Variants in ME3 observed in about 807,000 individuals in gnomAD.
The protein encoded by ME3 is NADP-dependent malic enzyme, mitochondrial.
In ME3, 48 loss-of-function variants were observed where a neutral mutation model predicts 68.9. The observed-to-expected ratio is 0.70, with a 90% CI of 0.55 to 0.89. The LOEUF (loss-of-function observed/expected upper bound fraction) is 0.89, where lower values mean the gene tolerates loss of function less well. Among genes scored for constraint, ME3 ranks in the 40% least tolerant of loss-of-function variants. The probability of loss-of-function intolerance (pLI) is 0.00; values close to 1 mark genes in which losing one functional copy is unlikely to be tolerated. For synonymous variants in ME3, 320 were observed against 318.8 expected, an observed-to-expected ratio of 1.00 and a Z score of -0.04; for missense variants, 675 against 797.4, an observed-to-expected ratio of 0.85 and a Z score of 1.85.
intron 7 of ME3, among the ~76,000 whole-genome samples, chr11:86,465,426 T>C (rs926605443): frequency 2.0e-5 from 3 of 152,088 alleles, no homozygotes; most frequent in African/African-American, 7.2e-5. Flanking sequence ...GGACCCTGGC[T>C]TTGGTGGTCA....
intron 2 of ME3, among the ~76,000 whole-genome samples, chr11:86,589,677 AT>A (rs368866503): frequency 6.4e-4 from 98 of 152,166 alleles, no homozygotes; most frequent in Middle Eastern, 3.4e-3. Context: ...ATTGGGCTAG[AT>A]TTTTTTCCCC....
intron 2 of ME3, among the ~76,000 whole-genome samples, chr11:86,654,652 CA>C (rs1323983325): frequency 6.6e-6 from 1 of 152,178 alleles, no homozygotes; most frequent in Non-Finnish European, 1.5e-5. Context: ...ACTGAATGGG[CA>C]AAAACTGGAA....
chr11:86,645,885 T>C (rs1234608033), intron 2 of ME3, among the ~76,000 whole-genome samples: 1 of 152,230 alleles, frequency 6.6e-6, no homozygotes, highest in Non-Finnish European at 1.5e-5. Flanking sequence ...TTCTGCAGCA[T>C]CTGCTGGTGA....
intron 7 of ME3, among the ~76,000 whole-genome samples, chr11:86,475,870 T>TAGAGAGAGAG (rs1425139692): frequency 6.6e-5 from 7 of 106,530 alleles, no homozygotes; most frequent in African/African-American, 2.4e-4. Context: ...TATATATATA[T>TAGAGAGAGAG]ATATAGAGAG....
At chr11:86,641,537 T>C (rs982931454) in intron 2 of ME3, among the ~76,000 whole-genome samples, 1 of 152,220 alleles carries the variant, frequency 6.6e-6, no homozygotes, top group Admixed American at 6.5e-5. Context: ...GACCCCATTA[T>C]AAAAATTTGT....
intron 3 of ME3, 134 bp downstream of exon 3, chr11:86,559,556 G>A: frequency 9.2e-7 from 1 of 1,081,662 alleles, no homozygotes; most frequent in Non-Finnish European, 1.3e-6. Flanking sequence ...TTAGAAGGTA[G>A]GGCTGAGTCT....
intron 4 of ME3, among the ~76,000 whole-genome samples, chr11:86,515,133 A>G (rs1953803734): frequency 6.6e-6 from 1 of 152,214 alleles, no homozygotes; most frequent in African/African-American, 2.4e-5. Context: ...AACAAAATAT[A>G]AGGATCTTTG....
chr11:86,536,361 G>A (rs1228920558), intron 4 of ME3, among the ~76,000 whole-genome samples: 3 of 138,840 alleles, frequency 2.2e-5, no homozygotes, highest in African/African-American at 5.4e-5. Context: ...CTACAGAATG[G>A]GAGAAAATTT....
intron 4 of ME3, among the ~76,000 whole-genome samples, chr11:86,509,306 A>G (rs1262619358): frequency 6.6e-6 from 1 of 152,070 alleles, no homozygotes; most frequent in Admixed American, 6.6e-5. Context: ...GGGGGTTGGG[A>G]TGTTCAGACA....
At chr11:86,459,128 G>C (rs180707664) in intron 8 of ME3, among the ~76,000 whole-genome samples, 1 of 152,296 alleles carries the variant, frequency 6.6e-6, no homozygotes, top group East Asian at 1.9e-4. Flanking sequence ...TGGACAAACA[G>C]AAAGTAGTGA....
At chr11:86,446,207 C>T (rs1593985083) in intron 13 of ME3, 107 bp downstream of exon 13, 3 of 1,320,478 alleles carry the variant, frequency 2.3e-6, no homozygotes, top group African/African-American at 1.5e-5. Context: ...AATCCACTGG[C>T]AATGTTGGGG....
chr11:86,524,495 A>G (rs1954580067), intron 4 of ME3, among the ~76,000 whole-genome samples: 1 of 152,228 alleles, frequency 6.6e-6, no homozygotes, highest in Non-Finnish European at 1.5e-5. Context: ...ACACCAAGAT[A>G]ATAGTCCCCT....
intron 4 of ME3, among the ~76,000 whole-genome samples, chr11:86,512,260 C>T (rs181346745): frequency 6.6e-6 from 1 of 152,336 alleles, no homozygotes; most frequent in Admixed American, 6.5e-5. Flanking sequence ...CTCTTGATAA[C>T]TTCCAATTCA....
chr11:86,512,823 C>G (rs1249921748), intron 4 of ME3, among the ~76,000 whole-genome samples: 1 of 152,222 alleles, frequency 6.6e-6, no homozygotes. Flanking sequence ...TGAAGGGTAC[C>G]AGAATATGCC....
intron 2 of ME3, chr11:86,622,774 CCTTTT>C (rs1186398990): frequency 1.3e-5 from 2 of 151,874 alleles, no homozygotes; most frequent in African/African-American, 4.9e-5. Context: ...TGAAAGAGTT[CCTTTT>C]ATTTGGTGAG....
intron 6 of ME3, among the ~76,000 whole-genome samples, chr11:86,492,161 C>T (rs1017518141): frequency 6.6e-6 from 1 of 152,198 alleles, no homozygotes; most frequent in African/African-American, 2.4e-5. Flanking sequence ...TAACTTTTTT[C>T]TGCTCTCTGT....
chr11:86,656,343 C>A (rs980168258), intron 2 of ME3, among the ~76,000 whole-genome samples: 4 of 151,650 alleles, frequency 2.6e-5, no homozygotes, highest in African/African-American at 9.7e-5. Context: ...AGACTTGGAA[C>A]CAACCCAAAT....
chr11:86,601,840 C>T (rs1247571447), intron 2 of ME3, among the ~76,000 whole-genome samples: 5 of 151,152 alleles, frequency 3.3e-5, no homozygotes, highest in Admixed American at 1.3e-4. Flanking sequence ...TAAACAGAAC[C>T]AAAGACAAAA....
At chr11:86,501,175 T>TATTATAATAATAATAATAATAATA (rs1555215053) in intron 5 of ME3, among the ~76,000 whole-genome samples, 3 of 147,138 alleles carry the variant, frequency 2.0e-5, no homozygotes, top group Non-Finnish European at 3.0e-5. Flanking sequence ...ATAAAATGCA[T>TATTATAATAATAATAATAATAATA]ATAATAATAA....
Sources: gnomAD v4.1 joint callset for allele counts (sites outside exome capture counted in the v4.1 genomes callset) on GRCh38, gnomAD v4.1.1 for gene constraint, MANE v1.5 for transcripts, NCBI Gene and HGNC (gene_info 2026-07-23, HGNC 2026-07-21) for gene names.